Variants in WDR7 observed in about 807,000 individuals in gnomAD.
The protein encoded by WDR7 is WD repeat domain 7.
WDR7 carries 46 observed loss-of-function variants against 169.4 expected under a neutral mutation model. The observed-to-expected ratio is 0.27, with a 90% CI of 0.21 to 0.35. The LOEUF (loss-of-function observed/expected upper bound fraction) is 0.35, where lower values mean the gene tolerates loss of function less well. Ranked by LOEUF, WDR7 falls within the 10% of genes least tolerant of loss-of-function variation. The pLI is 1.00. For missense variants in WDR7, 1,534 were observed against 1,859.3 expected (o/e 0.83, Z 3.22); for synonymous variants, 612 against 666.8 (o/e 0.92, Z 1.27).
intron 26 of WDR7, among the ~76,000 whole-genome samples, chr18:56,995,051 G>A (rs2047878174): frequency 6.6e-6 from 1 of 152,062 alleles, no homozygotes; most frequent in South Asian, 2.1e-4. Flanking sequence ...ATTTAAGCTA[G>A]AATATGAGAG....
chr18:56,657,677 C>T (rs2024807335), intron 1 of WDR7, among the ~76,000 whole-genome samples: 1 of 152,136 alleles, frequency 6.6e-6, no homozygotes, highest in Non-Finnish European at 1.5e-5. Flanking sequence ...TGAATTCCAT[C>T]CATATGGTTC....
chr18:56,771,145 A>C (rs1299400074), intron 16 of WDR7, among the ~76,000 whole-genome samples: 1 of 152,204 alleles, frequency 6.6e-6, no homozygotes, highest in East Asian at 1.9e-4. Context: ...AGAAATACCA[A>C]TACCACCAAA....
At chr18:56,788,140 CTTT>C (rs2044430699) in intron 19 of WDR7, among the ~76,000 whole-genome samples, 1 of 152,016 alleles carries the variant, frequency 6.6e-6, no homozygotes, top group Non-Finnish European at 1.5e-5. Context: ...AAAATACATC[CTTT>C]TTTTGTTGAA....
chr18:56,844,117 TC>T (rs1167087263), intron 20 of WDR7, among the ~76,000 whole-genome samples: 1 of 151,932 alleles, frequency 6.6e-6, no homozygotes, highest in Non-Finnish European at 1.5e-5. Flanking sequence ...TGCCTCGTCC[TC>T]CCAAAGTGCT....
At chr18:56,695,778 G>T (rs2144641228) in intron 11 of WDR7, among the ~76,000 whole-genome samples, 1 of 152,136 alleles carries the variant, frequency 6.6e-6, no homozygotes, top group South Asian at 2.1e-4. Flanking sequence ...CAAGTGATCT[G>T]CCTGCCTCGG....
chr18:56,730,627 G>A (rs1035084439), intron 13 of WDR7, among the ~76,000 whole-genome samples: 4 of 152,068 alleles, frequency 2.6e-5, no homozygotes, highest in African/African-American at 4.8e-5. Flanking sequence ...TTAGCCGGGC[G>A]TGATGGCGGG....
At chr18:56,882,992 G>T (rs565805872) in intron 21 of WDR7, among the ~76,000 whole-genome samples, 1 of 152,242 alleles carries the variant, frequency 6.6e-6, no homozygotes, top group African/African-American at 2.4e-5. Flanking sequence ...GGAGGCCGAG[G>T]TGGGTGGATC....
At chr18:56,681,124 G>A (rs1481652334) in intron 3 of WDR7, among the ~76,000 whole-genome samples, 189 bp from the exon 4 acceptor site, 1 of 152,116 alleles carries the variant, frequency 6.6e-6, no homozygotes, top group Admixed American at 6.6e-5. Context: ...TGGGGGGTGG[G>A]CAGTTTGGAA....
chr18:56,980,034 G>A (rs770698767), intron 26 of WDR7, among the ~76,000 whole-genome samples: 1 of 152,146 alleles, frequency 6.6e-6, no homozygotes, highest in Non-Finnish European at 1.5e-5. Context: ...GCCATTCTGA[G>A]CTCTCCTCTA....
intron 26 of WDR7, among the ~76,000 whole-genome samples, chr18:57,001,132 G>A (rs1351383530): frequency 6.7e-6 from 1 of 149,506 alleles, no homozygotes; most frequent in African/African-American, 2.5e-5. Flanking sequence ...CATTAAGAAT[G>A]GTTTGGACAA....
intron 26 of WDR7, among the ~76,000 whole-genome samples, chr18:56,970,339 T>C (rs1243240798): frequency 6.6e-6 from 1 of 152,026 alleles, no homozygotes; most frequent in Non-Finnish European, 1.5e-5. Context: ...CTCATTCATC[T>C]GTGCTTAATA....
At chr18:56,768,124 AC>A (rs1320477402) in intron 16 of WDR7, among the ~76,000 whole-genome samples, 1 of 152,178 alleles carries the variant, frequency 6.6e-6, no homozygotes, top group Non-Finnish European at 1.5e-5. Flanking sequence ...TATATTCACC[AC>A]CATGATGGTG....
chr18:56,822,582 A>G (rs1315111254), intron 20 of WDR7, among the ~76,000 whole-genome samples: 1 of 152,216 alleles, frequency 6.6e-6, no homozygotes, highest in Non-Finnish European at 1.5e-5. Flanking sequence ...GAGGCTGTAT[A>G]ATTTGTAAAC....
At chr18:56,974,146 G>GT (rs991881907) in intron 26 of WDR7, among the ~76,000 whole-genome samples, 4 of 152,012 alleles carry the variant, frequency 2.6e-5, no homozygotes, top group Non-Finnish European at 5.9e-5. Flanking sequence ...AGATTTTTGT[G>GT]TTTTTTCCCA....
intron 16 of WDR7, among the ~76,000 whole-genome samples, chr18:56,769,243 G>T (rs1226412756): frequency 4.0e-5 from 6 of 150,092 alleles, no homozygotes; most frequent in Admixed American, 4.0e-4. Flanking sequence ...CCTTTGAGAC[G>T]GAGTCTCACT....
intron 19 of WDR7, among the ~76,000 whole-genome samples, chr18:56,791,504 T>G (rs567751975): frequency 6.6e-5 from 10 of 152,196 alleles, no homozygotes; most frequent in Middle Eastern, 3.4e-3. Context: ...ATTTTGATTT[T>G]TATCTGTTTG....
intron 16 of WDR7, among the ~76,000 whole-genome samples, chr18:56,759,514 C>T (rs1247694705): frequency 6.6e-6 from 1 of 152,028 alleles, no homozygotes; most frequent in African/African-American, 2.4e-5. Flanking sequence ...TCTACATATT[C>T]CTGAGTATAA....
At chr18:57,020,188 G>A (rs2048268152) in intron 26 of WDR7, among the ~76,000 whole-genome samples, 1 of 152,188 alleles carries the variant, frequency 6.6e-6, no homozygotes, top group South Asian at 2.1e-4. Flanking sequence ...CCTCCCACAT[G>A]TGTGTGGATG....
rs1003707949 is a variant in WDR7, at chr18:56,699,817, C to T, written c.1578+3355C>T. 14 of 985,278 alleles carry T rather than the reference C, an allele frequency of 1.4e-5. No individual in the cohort carries two copies. The Admixed American group carries it at 1.8e-4, about 13-fold the overall frequency. The allele number at this position is 985,278 out of a possible 1,614,324, so 61.0% of individuals were successfully genotyped here. ...TAGATAGTAAACAAAAAGTGAAAAACTGTCTGCTAGGTAGAACAGATGCTG... is the reference window on the plus strand; with the variant it reads ...TAGATAGTAAACAAAAAGTGAAAAATTGTCTGCTAGGTAGAACAGATGCTG... On this transcript the variant is annotated intron_variant, in intron 12 of 27. Transcript: ENST00000254442.
Sources: allele counts gnomAD v4.1 joint callset (sites outside exome capture counted in the v4.1 genomes callset), GRCh38; gene constraint gnomAD v4.1.1; transcripts MANE v1.5; gene names NCBI Gene and HGNC (gene_info 2026-07-23, HGNC 2026-07-21).